The following BIRC6 variants were observed in gnomAD, a reference collection of about 807,000 sequenced individuals.
The protein encoded by BIRC6 is baculoviral IAP repeat containing 6, also known as dual E2 ubiquitin-conjugating enzyme/E3 ubiquitin-protein ligase BIRC6.
BIRC6 carries 98 observed loss-of-function variants against 503.3 expected under a neutral mutation model. The ratio of observed to expected loss-of-function variants is 0.19; its 90% CI spans 0.17 to 0.23. The LOEUF is 0.23. Ranked by LOEUF, BIRC6 falls within the 10% of genes least tolerant of loss-of-function variation. The pLI is 1.00. For synonymous variants in BIRC6, 2,240 were observed against 2,078.7 expected (o/e 1.08, Z -2.11); for missense variants, 5,360 against 5,806.0 (o/e 0.92, Z 2.50).
At chr2:32,403,166 C>G (rs1296359490) in intron 8 of BIRC6, among the ~76,000 whole-genome samples, 1 of 152,140 alleles carries the variant, frequency 6.6e-6, no homozygotes, top group African/African-American at 2.4e-5. Flanking sequence ...CTTAAGCCCC[C>G]TCTCTTCACT....
chr2:32,463,082 A>G lies in BIRC6; in HGVS notation c.4754-112A>G, dbSNP rs540044061. 33 of 756,008 alleles carry G rather than the reference A, an allele frequency of 4.4e-5. No homozygotes were observed. In the Admixed American group the frequency reaches 8.2e-4, roughly 19 times the overall value. The allele number at this position is 756,008 out of a possible 1,614,324, so 46.8% of individuals were successfully genotyped here. A position where few individuals can be genotyped will look rare whatever the true frequency, so the allele number is the denominator to read the frequency against. On this transcript the variant is annotated intron_variant, in intron 23 of 73. Coordinates refer to ENST00000421745, the MANE Select transcript of BIRC6 (RefSeq NM_016252.4). The stretch of plus-strand genomic sequence containing the variant: ...GATTTCTTTTTTAGAATGAAAATTA[A>G]CTATAGTTTTAGCATCATAATAGTG...
At chr2:32,567,095 C>T (rs763625870) in intron 65 of BIRC6, among the ~76,000 whole-genome samples, 4 of 152,134 alleles carry the variant, frequency 2.6e-5, no homozygotes, top group African/African-American at 4.8e-5. Context: ...CTCAGCCTCC[C>T]GATTAGCTGG....
intron 32 of BIRC6, 116 bp from the exon 33 acceptor site, chr2:32,472,996 A>T (rs1178324370): frequency 1.2e-6 from 1 of 851,894 alleles, no homozygotes; most frequent in Non-Finnish European, 1.8e-6. Flanking sequence ...TTTCTTATTA[A>T]AACTGCTTTT....
At chr2:32,469,640 T>C (rs774771155) in intron 30 of BIRC6, 26 bp downstream of exon 30, 3 of 1,552,334 alleles carry the variant, frequency 1.9e-6, no homozygotes, top group Non-Finnish European at 2.6e-6. Context: ...TTGGAGGTAT[T>C]TGTTATTAAT....
chr2:32,451,893 T>C lies in BIRC6; in HGVS notation c.4619-1915T>C, dbSNP rs569641628. Among the ~76,000 whole-genome samples the C allele has an allele frequency of 5.9e-5, 9 of 152,302 alleles. 1 individual carries two copies. The South Asian group carries it at 1.9e-3, about 32-fold the overall frequency. On this transcript the variant is annotated intron_variant, in intron 22 of 73. Coordinates refer to ENST00000421745, the MANE Select transcript of BIRC6 (RefSeq NM_016252.4). ...AATTTTCCAATACTGGATAATGAAA[T>C]GTGTCAACATTTGGAATATTTGTAT...
intron 1 of BIRC6, among the ~76,000 whole-genome samples, chr2:32,372,509 C>T (rs765534776): frequency 3.3e-5 from 5 of 152,068 alleles, no homozygotes; most frequent in Non-Finnish European, 5.9e-5. Context: ...AGTATTCCAT[C>T]GTATTGATGC....
At chr2:32,535,150 CA>C (rs1158856665) in intron 61 of BIRC6, among the ~76,000 whole-genome samples, 62 of 7,274 alleles carry the variant, frequency 8.5e-3, no homozygotes, top group East Asian at 0.015. Flanking sequence ...CCCAAAAAAG[CA>C]AAAAAAAAAA....
At chr2:32,432,874 A>G (rs1043735888) in intron 12 of BIRC6, among the ~76,000 whole-genome samples, 5 of 152,120 alleles carry the variant, frequency 3.3e-5, no homozygotes, top group Non-Finnish European at 2.9e-5. Flanking sequence ...TGACTTCTGT[A>G]TTTAGAATGA....
intron 61 of BIRC6, among the ~76,000 whole-genome samples, chr2:32,533,116 G>A (rs1219582539): frequency 1.3e-5 from 2 of 152,164 alleles, no homozygotes; most frequent in Non-Finnish European, 2.9e-5. Flanking sequence ...TATCTGAATT[G>A]TCATAAGCAG....
At chr2:32,431,647 C>G (rs899646203) in intron 12 of BIRC6, among the ~76,000 whole-genome samples, 2 of 152,100 alleles carry the variant, frequency 1.3e-5, no homozygotes, top group African/African-American at 4.8e-5. Context: ...TATTCTTATT[C>G]TTAATTTTAG....
rs780906505 is a variant in BIRC6, at chr2:32,510,571, C to G, written c.10283C>G (p.Ser3428Cys). The part of the protein sequence containing the change: ...LLFGRLNGLS[S>C]DSTIDILYQL... ...TTTGGAAGACTAAATGGACTCTCTT[C>G]TGACTCTACGATAGATATTCTTTAC... The change falls in exon 53 of 74, where the codon TCT becomes TGT. Residue 3428 changes from serine to cysteine, a missense_variant. This residue lies in a region of BIRC6 where 878 missense variants were observed against 928.9 expected (regional missense o/e 0.95). Coordinates refer to ENST00000421745, the MANE Select transcript of BIRC6 (RefSeq NM_016252.4). 7 of 1,610,240 alleles carry G rather than the reference C, an allele frequency of 4.3e-6. No homozygotes were observed. Among genetic ancestry groups the G allele is most frequent in the Non-Finnish European group, 5.9e-6 (7 of 1,176,582 alleles).
At position 32,442,246 on chromosome 2, in the gene BIRC6, C is replaced by G. The variant is rs2045511734; in HGVS notation, c.4106+20C>G. 1 of 1,600,948 alleles carries G rather than the reference C, an allele frequency of 6.2e-7. No homozygotes were observed. The highest frequency in any genetic ancestry group is 1.3e-5 in the African/African-American group (1 of 74,392). ...CGGAAGGTTAATAATTAAAATTTTG[C>G]TTACCACTGTTGATTGCCTTTTAGA... On this transcript the variant is annotated intron_variant, in intron 18 of 73. Coordinates refer to ENST00000421745, the MANE Select transcript of BIRC6 (RefSeq NM_016252.4).
chr2:32,463,823 CAAT>C (rs1280640646), intron 24 of BIRC6, among the ~76,000 whole-genome samples: 4 of 152,182 alleles, frequency 2.6e-5, no homozygotes, highest in Non-Finnish European at 5.9e-5. Context: ...GGACCAGTAC[CAAT>C]AAATAGCCTT....
At chr2:32,427,692 G>C (rs1362245911) in intron 10 of BIRC6, among the ~76,000 whole-genome samples, 1 of 151,782 alleles carries the variant, frequency 6.6e-6, no homozygotes. Flanking sequence ...ATTTACAATA[G>C]ATCCTTGAAT....
chr2:32,585,629 C>G (rs894744560), intron 66 of BIRC6, among the ~76,000 whole-genome samples: 16 of 152,210 alleles, frequency 1.1e-4, no homozygotes, highest in Admixed American at 2.0e-4. Context: ...ATCCACCCAC[C>G]TTGGCCTCCC....
At chr2:32,480,816 A>G (rs549490309) in intron 37 of BIRC6, among the ~76,000 whole-genome samples, 1 of 151,390 alleles carries the variant, frequency 6.6e-6, no homozygotes, top group Non-Finnish European at 1.5e-5. Flanking sequence ...TAATTTTTGT[A>G]TTTTTTGTAG....
chr2:32,429,013 G>A lies in BIRC6; in HGVS notation c.2873-133G>A, dbSNP rs2043823559. On this transcript the variant is annotated intron_variant, in intron 10 of 73. Coordinates refer to ENST00000421745, the MANE Select transcript of BIRC6 (RefSeq NM_016252.4). ...TGGCAATTAAATTTCTAAACTCTTG[G>A]AAATACATCACATTGGTAGCTTTCC... The A allele has an allele frequency of 5.2e-6, 4 of 766,694 alleles. No homozygotes were observed. In the East Asian group the frequency reaches 1.3e-4, roughly 25 times the overall value. 47.5% of individuals were successfully genotyped at this position (766,694 alleles called of 1,614,324 possible).
chr2:32,416,630 T>C (rs529934436), intron 10 of BIRC6, among the ~76,000 whole-genome samples: 66 of 152,260 alleles, frequency 4.3e-4, no homozygotes, highest in Admixed American at 9.2e-4. Context: ...GCAAACAATT[T>C]TTAGTTTTGC....
chr2:32,419,860 G>C (rs1039647383), intron 10 of BIRC6, among the ~76,000 whole-genome samples: 4 of 152,058 alleles, frequency 2.6e-5, no homozygotes, highest in Non-Finnish European at 5.9e-5. Flanking sequence ...CTTGTTTCTT[G>C]TGGAAAACAT....
Sources: allele counts gnomAD v4.1 joint callset (sites outside exome capture counted in the v4.1 genomes callset), GRCh38; gene constraint gnomAD v4.1.1; regional missense constraint gnomAD v4.1.1; transcripts MANE v1.5; gene names NCBI Gene and HGNC (gene_info 2026-07-23, HGNC 2026-07-21).